Variants in COLGALT1 observed in about 807,000 individuals in gnomAD.
COLGALT1 encodes procollagen galactosyltransferase 1.
COLGALT1 carries 43 observed loss-of-function variants against 60.8 expected under a neutral mutation model. That is an observed-to-expected ratio of 0.71 (90% confidence interval 0.55 to 0.91). The LOEUF is 0.91. Among genes scored for constraint, COLGALT1 ranks in the 40% least tolerant of loss-of-function variants. The probability of loss-of-function intolerance (pLI) is 0.00; values close to 1 mark genes in which losing one functional copy is unlikely to be tolerated. For synonymous variants in COLGALT1, 369 were observed against 374.2 expected (o/e 0.99, Z 0.16); for missense variants, 845 against 880.0 (o/e 0.96, Z 0.50).
In COLGALT1 at chr19:17,578,094, G is replaced by A; in HGVS notation, c.1266+5G>A. 6.3e-7 allele frequency: 1 copy of A among 1,595,714 alleles called. No individual in the cohort carries two copies. The highest frequency in any genetic ancestry group is 8.5e-7 in the Non-Finnish European group (1 of 1,169,824). On this transcript the variant is annotated splice_donor_5th_base_variant and intron_variant, in intron 9 of 11. Coordinates refer to ENST00000252599, the MANE Select transcript of COLGALT1 (RefSeq NM_024656.4). ...CACTACAACATCTGGAAGGAGGTGT[G>A]TCCTGAGTGATGGGCGGGGCCAGAG...
chr19:17,557,018 T>A (rs2076216170), intron 1 of COLGALT1, among the ~76,000 whole-genome samples: 1 of 152,262 alleles, frequency 6.6e-6, no homozygotes, highest in Non-Finnish European at 1.5e-5. Context: ...GGGTCTGGCA[T>A]GGGCTTGGCT....
intron 5 of COLGALT1, 107 bp downstream of exon 5, chr19:17,568,820 C>A: frequency 9.1e-7 from 1 of 1,093,778 alleles, no homozygotes; most frequent in Non-Finnish European, 1.4e-6. Flanking sequence ...CCAAACAATG[C>A]AGCGCAGGGC....
Position 17,555,807 on chromosome 19 carries a change from C to T in COLGALT1, c.94C>T (p.Pro32Ser). The change falls in exon 1 of 12, where the codon CCG (proline) becomes TCG (serine). Residue 32 changes from proline to serine, a missense_variant. Pro to Ser is a moderately conservative substitution (Grantham distance 74). Transcript: ENST00000252599. ...GGCGCCACTGCCGCCGGGGGCCCCG[C>T]CGGGCGCCGACGCCTACTTCCCCGA... The part of the protein sequence containing the change: ...LLAPLPPGAP[P>S]GADAYFPEER... 8.0e-7 allele frequency: 1 copy of T among 1,256,778 alleles called. No individual in the cohort carries two copies. The highest frequency in any genetic ancestry group is 1.0e-6 in the Non-Finnish European group (1 of 1,000,070). The allele number at this position is 1,256,778 out of a possible 1,614,324, so 77.9% of individuals were successfully genotyped here.
chr19:17,572,331 A>T (rs1378050674), intron 5 of COLGALT1, 152 bp from the exon 6 acceptor site: 1 of 1,059,894 alleles, frequency 9.4e-7, no homozygotes, highest in East Asian at 2.5e-5. Flanking sequence ...GTTTGTAGAT[A>T]TAAGGTCTTG....
chr19:17,576,408 G>A (rs925299320), intron 6 of COLGALT1, among the ~76,000 whole-genome samples: 5 of 151,918 alleles, frequency 3.3e-5, no homozygotes, highest in African/African-American at 7.3e-5. Flanking sequence ...GATCCAGCAT[G>A]TGCAAAGGCC....
At position 17,582,204 on chromosome 19, in the gene COLGALT1, C is replaced by G. The variant is rs1343562593; in HGVS notation, c.*760C>G. On this transcript the variant is annotated 3_prime_UTR_variant, in exon 12 of 12. Coordinates refer to ENST00000252599, the MANE Select transcript of COLGALT1 (RefSeq NM_024656.4). The stretch of plus-strand genomic sequence containing the variant: ...GGTTACAGGCATGAGCCACTGTGCC[C>G]AGCCCAGGCTCTGGGAATATTGAGA... 2.6e-5 allele frequency: 4 copies of G among 152,204 alleles called. No individual in the cohort carries two copies. The highest frequency in any genetic ancestry group is 5.9e-5 in the Non-Finnish European group (4 of 68,064). The allele number at this position is 152,204 out of a possible 1,614,324, so 9.4% of individuals were successfully genotyped here. A position where few individuals can be genotyped will look rare whatever the true frequency, so the allele number is the denominator to read the frequency against.
chr19:17,573,347 G>A (rs1378874157), intron 6 of COLGALT1, among the ~76,000 whole-genome samples: 1 of 152,052 alleles, frequency 6.6e-6, no homozygotes, highest in Non-Finnish European at 1.5e-5. Context: ...CCAACATGGT[G>A]AAACCCTGTC....
chr19:17,578,013 G>A lies in COLGALT1; in HGVS notation c.1190G>A (p.Arg397Gln), dbSNP rs372215750. 1.4e-5 allele frequency: 22 copies of A among 1,611,896 alleles called. No individual in the cohort carries two copies. The highest frequency in any genetic ancestry group is 2.7e-5 in the African/African-American group (2 of 74,824). Reference sequence around the variant, plus strand: ...GGGATCCAGATGCTGCCTGGCTACCGGGACCCCTACCACGGCCGGCCCCTC... The same window carrying A: ...GGGATCCAGATGCTGCCTGGCTACCAGGACCCCTACCACGGCCGGCCCCTC... The part of the protein sequence containing the change: ...ALGIQMLPGY[R>Q]DPYHGRPLTK... The change falls in exon 9 of 12, where the codon CGG becomes CAG. Residue 397 changes from arginine to glutamine, a missense_variant. Physicochemically the swap from Arg to Gln is conservative, Grantham distance 43. Coordinates refer to ENST00000252599, the MANE Select transcript of COLGALT1 (RefSeq NM_024656.4).
At chr19:17,564,537 C>T (rs981537040) in intron 3 of COLGALT1, among the ~76,000 whole-genome samples, 2 of 151,038 alleles carry the variant, frequency 1.3e-5, no homozygotes, top group African/African-American at 2.4e-5. Flanking sequence ...CTGCCTCAGC[C>T]TCCGGAGTAC....
At chr19:17,570,144 C>T (rs903859383) in intron 5 of COLGALT1, among the ~76,000 whole-genome samples, 4 of 152,182 alleles carry the variant, frequency 2.6e-5, no homozygotes, top group African/African-American at 7.2e-5. Flanking sequence ...CTGCCCACCT[C>T]GGCCTCCCAG....
At chr19:17,572,440 C>A in intron 5 of COLGALT1, 43 bp from the exon 6 acceptor site, 1 of 1,612,872 alleles carries the variant, frequency 6.2e-7, no homozygotes, top group Non-Finnish European at 8.5e-7. Context: ...CACTGGGCCT[C>A]GCCTGTTTTT....
chr19:17,562,241 G>A (rs988904317), intron 3 of COLGALT1, among the ~76,000 whole-genome samples: 1 of 152,180 alleles, frequency 6.6e-6, no homozygotes, highest in East Asian at 1.9e-4. Context: ...AAGTGATTAC[G>A]ATGCAGTGGT....
intron 11 of COLGALT1, 52 bp from the exon 12 acceptor site, chr19:17,581,125 T>A: frequency 1.9e-6 from 3 of 1,577,130 alleles, no homozygotes; most frequent in Non-Finnish European, 2.6e-6. Context: ...CCTCCAGCTG[T>A]CCCGTCCCCT....
At chr19:17,566,762 T>C (rs1377999297) in intron 3 of COLGALT1, among the ~76,000 whole-genome samples, 1 of 152,096 alleles carries the variant, frequency 6.6e-6, no homozygotes, top group Non-Finnish European at 1.5e-5. Context: ...ACCATTGCAC[T>C]TCAGCCTGAG....
intron 11 of COLGALT1, 108 bp downstream of exon 11, chr19:17,581,013 ACTT>A (rs2076377960): frequency 2.1e-6 from 3 of 1,442,492 alleles, no homozygotes; most frequent in African/African-American, 2.8e-5. Context: ...TCTTTTGCCT[ACTT>A]CTCCCTCCGT....
chr19:17,579,031 C>T (rs562318226), intron 9 of COLGALT1, among the ~76,000 whole-genome samples: 11 of 151,188 alleles, frequency 7.3e-5, no homozygotes, highest in South Asian at 6.3e-4. Context: ...AAATAAAATC[C>T]GGGCGTAGTG....
intron 6 of COLGALT1, among the ~76,000 whole-genome samples, chr19:17,573,432 G>A (rs2076323953): frequency 6.6e-6 from 1 of 152,216 alleles, no homozygotes; most frequent in Non-Finnish European, 1.5e-5. Context: ...GGGAGGCTGA[G>A]GCAGGAGAAT....
rs1165897881 is a variant in COLGALT1, at chr19:17,582,294, CAT to C, written c.*851_*852del. The C allele has an allele frequency of 1.3e-5, 2 of 152,186 alleles. No individual in the cohort carries two copies. The highest frequency in any genetic ancestry group is 4.8e-5 in the African/African-American group (2 of 41,440). 9.4% of individuals were successfully genotyped at this position (152,186 alleles called of 1,614,324 possible). ...GGTCACCTACTGTGTGCCTGGCACTCATGTCACAAAGATAAGTTCCTGATTCG... is the reference window on the plus strand; with the variant it reads ...GGTCACCTACTGTGTGCCTGGCACTCGTCACAAAGATAAGTTCCTGATTCG... On this transcript the variant is annotated 3_prime_UTR_variant, in exon 12 of 12. Transcript: ENST00000252599.
chr19:17,576,805 G>A (rs558079126), intron 6 of COLGALT1, among the ~76,000 whole-genome samples: 1 of 146,622 alleles, frequency 6.8e-6, no homozygotes, highest in African/African-American at 2.5e-5. Context: ...CGGCTGGGGG[G>A]CAGGTTGAAG....
Sources: gnomAD v4.1 joint callset for allele counts (sites outside exome capture counted in the v4.1 genomes callset) on GRCh38, gnomAD v4.1.1 for gene constraint, MANE v1.5 for transcripts, NCBI Gene and HGNC (gene_info 2026-07-23, HGNC 2026-07-21) for gene names.